Variants in DCLK2 observed in about 807,000 individuals in gnomAD.
The protein encoded by DCLK2 is doublecortin like kinase 2, also known as serine/threonine-protein kinase DCLK2.
In DCLK2, 31 loss-of-function variants were observed where a neutral mutation model predicts 78.4. The observed-to-expected ratio is 0.40, with a 90% CI of 0.30 to 0.53. The LOEUF (loss-of-function observed/expected upper bound fraction) is 0.53, where lower values mean the gene tolerates loss of function less well. Among genes scored for constraint, DCLK2 ranks in the 20% least tolerant of loss-of-function variants. The probability of loss-of-function intolerance (pLI) is 0.61; values close to 1 mark genes in which losing one functional copy is unlikely to be tolerated. For synonymous variants in DCLK2, 407 were observed against 374.9 expected (o/e 1.09, Z -0.99); for missense variants, 872 against 973.7 (o/e 0.90, Z 1.39).
intron 2 of DCLK2, among the ~76,000 whole-genome samples, chr4:150,115,648 A>G (rs1411070934): frequency 1.3e-5 from 2 of 152,122 alleles, no homozygotes; most frequent in Non-Finnish European, 1.5e-5. Flanking sequence ...GAGTCTTTGT[A>G]TGATGGCTTT....
At chr4:150,170,829 G>C (rs2150258574) in intron 2 of DCLK2, among the ~76,000 whole-genome samples, 1 of 152,222 alleles carries the variant, frequency 6.6e-6, no homozygotes, top group African/African-American at 2.4e-5. Flanking sequence ...CATACCATAA[G>C]TTTAGAGGCA....
intron 8 of DCLK2, among the ~76,000 whole-genome samples, chr4:150,228,545 C>T (rs1449518891): frequency 2.0e-5 from 3 of 152,136 alleles, no homozygotes; most frequent in Admixed American, 6.5e-5. Context: ...GGGTTAGAGA[C>T]CAGCACACAA....
chr4:150,096,282 G>A (rs1730456183), intron 1 of DCLK2, among the ~76,000 whole-genome samples: 1 of 152,178 alleles, frequency 6.6e-6, no homozygotes, highest in Non-Finnish European at 1.5e-5. Flanking sequence ...AATACTTTGG[G>A]GACTTTAGGA....
chr4:150,142,536 T>G (rs1432291037), intron 2 of DCLK2, among the ~76,000 whole-genome samples: 2 of 152,224 alleles, frequency 1.3e-5, no homozygotes, highest in Admixed American at 1.3e-4. Context: ...ATCACTCATA[T>G]TCCAAATTGC....
At chr4:150,173,321 T>G (rs1277735641) in intron 2 of DCLK2, among the ~76,000 whole-genome samples, 1 of 152,114 alleles carries the variant, frequency 6.6e-6, no homozygotes, top group Non-Finnish European at 1.5e-5. Flanking sequence ...TTTTGGACAT[T>G]GAGTATCTTT....
chr4:150,186,533 A>T (rs1332131460), intron 2 of DCLK2, among the ~76,000 whole-genome samples: 1 of 152,186 alleles, frequency 6.6e-6, no homozygotes, highest in African/African-American at 2.4e-5. Context: ...CATTTTCATC[A>T]CTAGACTGTG....
chr4:150,238,314 A>T (rs1008196039), intron 10 of DCLK2, among the ~76,000 whole-genome samples: 1 of 152,214 alleles, frequency 6.6e-6, no homozygotes, highest in African/African-American at 2.4e-5. Flanking sequence ...ATGGTAATGT[A>T]TCATAGTCAT....
chr4:150,216,156 A>C (rs892765932), intron 5 of DCLK2, among the ~76,000 whole-genome samples: 1 of 152,232 alleles, frequency 6.6e-6, no homozygotes, highest in Admixed American at 6.5e-5. Flanking sequence ...AATTTGAAGA[A>C]ATTTTGGTAA....
chr4:150,174,093 G>A (rs1266844262), intron 2 of DCLK2, among the ~76,000 whole-genome samples: 4 of 152,136 alleles, frequency 2.6e-5, no homozygotes, highest in African/African-American at 9.7e-5. Context: ...TGAACTCCGG[G>A]AATGGCAGTC....
At chr4:150,248,465 C>G in intron 14 of DCLK2, 80 bp downstream of exon 14, 1 of 1,217,294 alleles carries the variant, frequency 8.2e-7, no homozygotes, top group Non-Finnish European at 1.2e-6. Flanking sequence ...GATGTTTGCA[C>G]ATGCAAAAGT....
chr4:150,184,010 AG>A (rs1737721427), intron 2 of DCLK2, among the ~76,000 whole-genome samples: 1 of 152,198 alleles, frequency 6.6e-6, no homozygotes, highest in African/African-American at 2.4e-5. Context: ...CTGGGATTAC[AG>A]GCGTGAGCCA....
intron 4 of DCLK2, 29 bp downstream of exon 4, chr4:150,198,132 A>C: frequency 6.3e-7 from 1 of 1,579,146 alleles, no homozygotes; most frequent in Non-Finnish European, 8.7e-7. Flanking sequence ...ATAGATGGTC[A>C]TAGCAGGAAC....
At chr4:150,141,999 T>C (rs1402895975) in intron 2 of DCLK2, among the ~76,000 whole-genome samples, 1 of 152,192 alleles carries the variant, frequency 6.6e-6, no homozygotes, top group Non-Finnish European at 1.5e-5. Flanking sequence ...CAGGAAAAAT[T>C]TCTGTAACAA....
intron 12 of DCLK2, among the ~76,000 whole-genome samples, chr4:150,241,998 T>C (rs1408074367): frequency 6.6e-6 from 1 of 152,218 alleles, no homozygotes; most frequent in Non-Finnish European, 1.5e-5. Flanking sequence ...TTGTACTGGG[T>C]CACTATGTGA....
intron 5 of DCLK2, among the ~76,000 whole-genome samples, chr4:150,207,216 C>T (rs1226737851): frequency 2.0e-5 from 3 of 152,144 alleles, no homozygotes; most frequent in African/African-American, 4.8e-5. Flanking sequence ...AACCAAGCCA[C>T]GACAGCATGT....
In DCLK2 at chr4:150,078,948, A is replaced by T; in HGVS notation, c.-80A>T. ...GTCCCGGCGCGTTAAGGGCCCTCGCAGTCAGACGTCCCTGCACCGGCGCTC... is the reference window on the plus strand; with the variant it reads ...GTCCCGGCGCGTTAAGGGCCCTCGCTGTCAGACGTCCCTGCACCGGCGCTC... On this transcript the variant is annotated 5_prime_UTR_variant, in exon 1 of 16. Transcript: ENST00000296550. The T allele has an allele frequency of 7.0e-7, 1 of 1,421,964 alleles. No homozygotes were observed. The highest frequency in any genetic ancestry group is 1.6e-5 in the South Asian group (1 of 63,762). The allele number at this position is 1,421,964 out of a possible 1,614,324, so 88.1% of individuals were successfully genotyped here. A position where few individuals can be genotyped will look rare whatever the true frequency, so the allele number is the denominator to read the frequency against.
At chr4:150,210,822 C>CCCA (rs906991737) in intron 5 of DCLK2, among the ~76,000 whole-genome samples, 7 of 148,998 alleles carry the variant, frequency 4.7e-5, no homozygotes, top group African/African-American at 1.5e-4. Context: ...GTGGCATGTG[C>CCCA]CCATAGTCCC....
intron 2 of DCLK2, among the ~76,000 whole-genome samples, chr4:150,162,518 G>C (rs1388727274): frequency 6.6e-6 from 1 of 152,020 alleles, no homozygotes; most frequent in Non-Finnish European, 1.5e-5. Context: ...GTTAATTTTA[G>C]TTAACCTAAT....
At chr4:150,183,478 G>A (rs1737680241) in intron 2 of DCLK2, among the ~76,000 whole-genome samples, 1 of 152,132 alleles carries the variant, frequency 6.6e-6, no homozygotes, top group Admixed American at 6.5e-5. Context: ...TTATTTTAAG[G>A]TGTCCAGGGC....
Sources: gnomAD v4.1 joint callset for allele counts (sites outside exome capture counted in the v4.1 genomes callset) on GRCh38, gnomAD v4.1.1 for gene constraint, MANE v1.5 for transcripts, NCBI Gene and HGNC (gene_info 2026-07-23, HGNC 2026-07-21) for gene names.